The following ANKDD1A variants were observed in gnomAD, a reference collection of about 807,000 sequenced individuals.
The protein encoded by ANKDD1A is ankyrin repeat and death domain-containing protein 1A.
ANKDD1A carries 59 observed loss-of-function variants against 63.5 expected under a neutral mutation model. That is an observed-to-expected ratio of 0.93 (90% CI 0.75 to 1.15). ANKDD1A has a LOEUF of 1.15. Ranked by LOEUF, ANKDD1A falls within the 50% of genes most tolerant of loss-of-function variation. The pLI, the probability that ANKDD1A is intolerant of heterozygous loss-of-function variation, is 0.00. For missense variants in ANKDD1A, 632 were observed against 656.4 expected, an observed-to-expected ratio of 0.96 and a Z score of 0.41; for synonymous variants, 266 against 263.9, an observed-to-expected ratio of 1.01 and a Z score of -0.08.
chr15:64,953,952 ATTGT>A (rs537559727), intron 14 of ANKDD1A, among the ~76,000 whole-genome samples: 40,303 of 71,800 alleles, frequency 0.56, 7,350 homozygotes, highest in South Asian at 0.65. Context: ...CTCTTCTTCT[ATTGT>A]TTCTTTTTTT....
intron 9 of ANKDD1A, among the ~76,000 whole-genome samples, chr15:64,935,900 G>C (rs552822599): frequency 1.4e-4 from 21 of 152,086 alleles, no homozygotes; most frequent in Non-Finnish European, 2.2e-4. Context: ...TAGAAGGCAA[G>C]TTGACAATAA....
In ANKDD1A at chr15:64,911,907, G is replaced by T; in HGVS notation, c.-24G>T. 8.0e-7 allele frequency: 1 copy of T among 1,247,698 alleles called. No individual in the cohort carries two copies. 77.3% of individuals were successfully genotyped at this position (1,247,698 alleles called of 1,614,324 possible). ...GCGCCTCGCGCCCGGGCACCAGCGC[G>T]CGCAGGGGCTGCGGAGCGGCAGGAT... On this transcript the variant is annotated 5_prime_UTR_variant, in exon 1 of 15. Coordinates refer to ENST00000319580, the MANE Select transcript of ANKDD1A (RefSeq NM_182703.6).
Position 64,931,774 on chromosome 15 carries a change from C to T in ANKDD1A, c.768+189C>T, listed in dbSNP as rs979068575. On this transcript the variant is annotated intron_variant, in intron 8 of 14. Transcript: ENST00000319580. ...GAGCAAGTTACTTAACCTCTCTGAG[C>T]CTTGTTTCCCAACTATAAAGTGCAG... 6.4e-6 allele frequency: 4 copies of T among 626,080 alleles called. No homozygotes were observed. In the African/African-American group the frequency reaches 7.3e-5, roughly 11 times the overall value. 38.8% of individuals were successfully genotyped at this position (626,080 alleles called of 1,614,324 possible). A position where few individuals can be genotyped will look rare whatever the true frequency, so the allele number is the denominator to read the frequency against.
chr15:64,932,448 C>T (rs1438166397), intron 8 of ANKDD1A: 2 of 152,106 alleles, frequency 1.3e-5, no homozygotes, highest in Non-Finnish European at 2.9e-5. Flanking sequence ...CTGGATGAAC[C>T]TCTTCTCTCT....
At chr15:64,934,291 A>G in intron 9 of ANKDD1A, 57 bp downstream of exon 9, 1 of 1,515,814 alleles carries the variant, frequency 6.6e-7, no homozygotes, top group South Asian at 1.2e-5. Flanking sequence ...CCATGAGCAC[A>G]CTGATGAAGC....
At chr15:64,952,772 T>C (rs2085320302) in intron 14 of ANKDD1A, among the ~76,000 whole-genome samples, 2 of 90,530 alleles carry the variant, frequency 2.2e-5, no homozygotes, top group South Asian at 3.9e-4. Flanking sequence ...CCTCCTTTCT[T>C]TTCTTCTTCC....
rs1472903050 is a variant in ANKDD1A, at chr15:64,953,628, T to TTCTTCTTCCTTCTTTC, written c.1484-3473_1484-3472insTTCTTCCTTCTTTCTC. Reference sequence around the variant, plus strand: ...CTTTCTTCTCTCCTTCTTCTTCTTCTTCCTTCTTCTTCCTCTTCCTTCTCC... The same window carrying TTCTTCTTCCTTCTTTC: ...CTTTCTTCTCTCCTTCTTCTTCTTCTTCTTCTTCCTTCTTTCTCCTTCTTCTTCCTCTTCCTTCTCC... On this transcript the variant is annotated intron_variant, in intron 14 of 14. Coordinates refer to ENST00000319580, the MANE Select transcript of ANKDD1A (RefSeq NM_182703.6). 1.4e-3 allele frequency among the ~76,000 whole-genome samples: 176 copies of TTCTTCTTCCTTCTTTC among 125,752 alleles called. 5 individuals are homozygous for TTCTTCTTCCTTCTTTC. The highest frequency in any genetic ancestry group is 5.0e-3 in the African/African-American group (173 of 34,734). The allele number at this position is 125,752 out of a possible 152,430, so 82.5% of individuals were successfully genotyped here.
intron 14 of ANKDD1A, among the ~76,000 whole-genome samples, chr15:64,953,478 CCTTCTCCTT>C (rs2085341517): frequency 3.2e-5 from 3 of 94,438 alleles, no homozygotes; most frequent in Non-Finnish European, 7.1e-5. Context: ...TCTTCCTCTT[CCTTCTCCTT>C]CTTCTTTAGT....
At chr15:64,947,049 A>T (rs2085228917) in intron 12 of ANKDD1A, among the ~76,000 whole-genome samples, 1 of 152,126 alleles carries the variant, frequency 6.6e-6, no homozygotes, top group African/African-American at 2.4e-5. Flanking sequence ...TTCTGCTGAC[A>T]CCCATGCTAT....
intron 14 of ANKDD1A, among the ~76,000 whole-genome samples, chr15:64,954,077 T>TC (rs1566918317): frequency 8.5e-6 from 1 of 117,660 alleles, no homozygotes; most frequent in Non-Finnish European, 1.9e-5. Flanking sequence ...TTCTTCCTCT[T>TC]TTCTTCTTCT....
At chr15:64,915,580 G>T (rs1199797767) in intron 1 of ANKDD1A, among the ~76,000 whole-genome samples, 1 of 152,212 alleles carries the variant, frequency 6.6e-6, no homozygotes, top group African/African-American at 2.4e-5. Flanking sequence ...ACCACGTCCT[G>T]GTTGCGTGGC....
At chr15:64,923,151 C>T (rs181642982) in intron 4 of ANKDD1A, among the ~76,000 whole-genome samples, 1 of 152,262 alleles carries the variant, frequency 6.6e-6, no homozygotes, top group East Asian at 1.9e-4. Context: ...TGAACCCCCA[C>T]AACCTAACAC....
chr15:64,930,167 G>T (rs2085077706), intron 6 of ANKDD1A, among the ~76,000 whole-genome samples: 1 of 152,050 alleles, frequency 6.6e-6, no homozygotes, highest in South Asian at 2.1e-4. Context: ...TAGGTGACGG[G>T]TTGATGGGTG....
chr15:64,922,238 A>G, intron 4 of ANKDD1A: 1 of 550,982 alleles, frequency 1.8e-6, no homozygotes, highest in Non-Finnish European at 3.2e-6. Flanking sequence ...CAAGAGAGAA[A>G]TCAAAGTAAC....
intron 7 of ANKDD1A, 147 bp downstream of exon 7, chr15:64,931,067 G>A: frequency 1.3e-6 from 1 of 797,894 alleles, no homozygotes; most frequent in Non-Finnish European, 2.0e-6. Context: ...AAGACAAGCA[G>A]CAGCACTGAA....
chr15:64,918,053 C>T (rs2084982906), intron 3 of ANKDD1A, among the ~76,000 whole-genome samples: 1 of 152,182 alleles, frequency 6.6e-6, no homozygotes, highest in Admixed American at 6.5e-5. Flanking sequence ...ACACTTATGG[C>T]TTTGTCTACA....
At chr15:64,953,928 T>C (rs1313484703) in intron 14 of ANKDD1A, among the ~76,000 whole-genome samples, 12 of 7,912 alleles carry the variant, frequency 1.5e-3, no homozygotes, top group South Asian at 0.012. Flanking sequence ...CTCTTTTTCT[T>C]TTTTCTTTTC....
At chr15:64,931,466 T>G in intron 7 of ANKDD1A, 21 bp from the exon 8 acceptor site, 1 of 1,609,464 alleles carries the variant, frequency 6.2e-7, no homozygotes, top group Non-Finnish European at 8.5e-7. Flanking sequence ...CCATCCTCAT[T>G]GCTCTTCTTG....
chr15:64,952,542 CTCCTCCTCCT>C (rs762253666), intron 14 of ANKDD1A, among the ~76,000 whole-genome samples: 2,926 of 106,552 alleles, frequency 0.027, 47 homozygotes, highest in Admixed American at 0.046. Context: ...TCTTCTCCTT[CTCCTCCTCCT>C]TCCTTCTCCT....
Sources: allele counts gnomAD v4.1 joint callset (sites outside exome capture counted in the v4.1 genomes callset), GRCh38; gene constraint gnomAD v4.1.1; transcripts MANE v1.5; gene names NCBI Gene and HGNC (gene_info 2026-07-23, HGNC 2026-07-21).